Variants in PLXNA2 observed in about 807,000 individuals in gnomAD.
PLXNA2 encodes plexin A2.
PLXNA2 carries 91 observed loss-of-function variants against 193.5 expected under a neutral mutation model. That is an observed-to-expected ratio of 0.47 (90% CI 0.40 to 0.56). PLXNA2 has a LOEUF of 0.56. PLXNA2 is among the 20% of genes least tolerant of loss of function. PLXNA2 has a pLI of 0.00. For missense variants in PLXNA2, 1,995 were observed against 2,503.2 expected (o/e 0.80, Z 4.33); for synonymous variants, 997 against 1,027.3 (o/e 0.97, Z 0.56).
rs1364497622 is a variant in PLXNA2, at chr1:208,028,949, C to T, written c.5319G>A (p.Val1773=). The T allele has an allele frequency of 6.2e-7, 1 of 1,614,108 alleles. No homozygotes were observed. The highest frequency in any genetic ancestry group is 1.7e-5 in the Admixed American group (1 of 60,016). The change falls in exon 30 of 32, where the codon GTG becomes GTA. Residue 1773 remains valine, a synonymous_variant. Transcript: ENST00000367033. This position sits in a 1 kb window ranked among gnomAD's most constrained non-coding sequence, Gnocchi z 4.2. ...KGSITDACLS[V]VAQTFMDSCS... ...AAGAGTCCATGAAGGTCTGGGCCAC[C>T]ACAGAGAGGCAGGCGTCCGTGATGC...
intron 13 of PLXNA2, among the ~76,000 whole-genome samples, chr1:208,055,315 A>AT (rs1346524664): frequency 6.6e-6 from 1 of 152,166 alleles, no homozygotes; most frequent in East Asian, 1.9e-4. Flanking sequence ...ACCCCTAGTG[A>AT]TGACTTCCCT....
At chr1:208,071,873 T>C (rs1335971071) in intron 12 of PLXNA2, among the ~76,000 whole-genome samples, 7 of 152,250 alleles carry the variant, frequency 4.6e-5, no homozygotes, top group Non-Finnish European at 8.8e-5. Context: ...ACTCTGGTCC[T>C]GGGCAGGTGG....
intron 3 of PLXNA2, among the ~76,000 whole-genome samples, chr1:208,181,364 G>A (rs530399261): frequency 6.6e-6 from 1 of 152,336 alleles, no homozygotes; most frequent in East Asian, 1.9e-4. Context: ...ACCCTGAGGG[G>A]TGCAGCCTAG....
intron 12 of PLXNA2, among the ~76,000 whole-genome samples, chr1:208,073,840 T>C (rs970680601): frequency 1.3e-5 from 2 of 150,712 alleles, no homozygotes; most frequent in South Asian, 2.1e-4. Flanking sequence ...AGAGGTCAGG[T>C]TGATGCTTCT....
At chr1:208,081,789 G>A (rs763477067) in intron 11 of PLXNA2, among the ~76,000 whole-genome samples, 3 of 152,134 alleles carry the variant, frequency 2.0e-5, no homozygotes, top group Non-Finnish European at 4.4e-5. Context: ...TATCATTCTC[G>A]AGAGCAGGGT....
intron 2 of PLXNA2, among the ~76,000 whole-genome samples, chr1:208,213,755 T>G (rs941475677): frequency 6.6e-6 from 1 of 152,200 alleles, no homozygotes; most frequent in Non-Finnish European, 1.5e-5. Flanking sequence ...CTTTGGAGTA[T>G]CAGGGTCTTT....
intron 22 of PLXNA2, 137 bp from the exon 23 acceptor site, chr1:208,040,195 C>T: frequency 1.5e-6 from 1 of 676,408 alleles, no homozygotes; most frequent in Non-Finnish European, 2.6e-6. Flanking sequence ...CACCTGGGTC[C>T]CAGCCCAGCT....
chr1:208,196,662 G>A (rs1572021321), intron 3 of PLXNA2, among the ~76,000 whole-genome samples: 1 of 152,216 alleles, frequency 6.6e-6, no homozygotes, highest in African/African-American at 2.4e-5. Context: ...AAGAGAAACA[G>A]TAGAAACCAT....
intron 3 of PLXNA2, among the ~76,000 whole-genome samples, chr1:208,182,715 A>T (rs1178703128): frequency 1.3e-5 from 2 of 151,878 alleles, no homozygotes; most frequent in African/African-American, 2.4e-5. Flanking sequence ...GAGCAAGAAA[A>T]GGGGTTTGAA....
At chr1:208,155,133 G>A (rs924782339) in intron 3 of PLXNA2, among the ~76,000 whole-genome samples, 10 of 152,122 alleles carry the variant, frequency 6.6e-5, no homozygotes, top group Non-Finnish European at 1.3e-4. Flanking sequence ...TGCATGGAGC[G>A]CGAACCCCTT....
At chr1:208,183,629 G>A (rs922418089) in intron 3 of PLXNA2, among the ~76,000 whole-genome samples, 5 of 150,992 alleles carry the variant, frequency 3.3e-5, no homozygotes, top group Admixed American at 6.6e-5. Context: ...TTGGGGGTGG[G>A]GGACGGTGCT....
chr1:208,159,762 A>G (rs1364296992), intron 3 of PLXNA2, among the ~76,000 whole-genome samples: 2 of 152,190 alleles, frequency 1.3e-5, no homozygotes, highest in Non-Finnish European at 2.9e-5. Context: ...TACTACTCAA[A>G]GCCGTAAGAT....
At chr1:208,142,597 C>T (rs1668490578) in intron 3 of PLXNA2, 134 bp from the exon 4 acceptor site, 1 of 837,800 alleles carries the variant, frequency 1.2e-6, no homozygotes, top group Admixed American at 2.8e-5. Context: ...ACTGAAGTGC[C>T]ACTTCTTTTA....
intron 4 of PLXNA2, among the ~76,000 whole-genome samples, chr1:208,135,644 G>T (rs1668278742): frequency 1.3e-5 from 2 of 152,152 alleles, no homozygotes; most frequent in Admixed American, 6.5e-5. Context: ...GTCCAGCTTT[G>T]ATGACTCCAG....
rs977171358 is a variant in PLXNA2 at position 208,022,386 on chromosome 1, C to T, written c.*4857G>A. The T allele has an allele frequency of 1.3e-5, 2 of 152,252 alleles. No homozygotes were observed. Among genetic ancestry groups the T allele is most frequent in the African/African-American group, 2.4e-5 (1 of 41,272 alleles). 9.4% of individuals were successfully genotyped at this position (152,252 alleles called of 1,614,324 possible). On this transcript the variant is annotated 3_prime_UTR_variant, in exon 32 of 32. Coordinates refer to ENST00000367033, the MANE Select transcript of PLXNA2 (RefSeq NM_025179.4). ...TAATATATTAGAATAACAAAAAACCCCACTTTATTGGAACATTTTAAATAC... is the reference window on the plus strand; with the variant it reads ...TAATATATTAGAATAACAAAAAACCTCACTTTATTGGAACATTTTAAATAC...
chr1:208,028,136 A>C lies in PLXNA2; in HGVS notation c.5462T>G (p.Leu1821Arg). The C allele has an allele frequency of 3.1e-6, 5 of 1,612,818 alleles. No homozygotes were observed. Among genetic ancestry groups the C allele is most frequent in the Non-Finnish European group, 4.2e-6 (5 of 1,179,360 alleles). Residue 1821 changes from leucine (L) to arginine (R), a missense_variant, in exon 31 of 32, where the codon CTC becomes CGC. Around this residue, in one of 3 missense-constraint regions of PLXNA2, gnomAD observed 1,291 missense variants for 1,673.6 expected, o/e 0.77. Transcript: ENST00000367033. The surrounding 1 kb of genome is among the most constrained non-coding windows in gnomAD (Gnocchi z 4.2). ...VERYYADIAKLPAISDQDMNA... is the reference protein window; with the variant it reads ...VERYYADIAKRPAISDQDMNA... ...CATGTCCTGGTCACTGATGGCTGGG[A>C]GCTTGGCGATGTCTGCGTAGTATCT...
At chr1:208,194,310 A>G (rs916894856) in intron 3 of PLXNA2, among the ~76,000 whole-genome samples, 4 of 152,064 alleles carry the variant, frequency 2.6e-5, no homozygotes, top group African/African-American at 9.7e-5. Flanking sequence ...ATGAAAATGA[A>G]CAATCACTAC....
chr1:208,143,340 C>A (rs1056780391), intron 3 of PLXNA2, among the ~76,000 whole-genome samples: 1 of 152,182 alleles, frequency 6.6e-6, no homozygotes, highest in Non-Finnish European at 1.5e-5. Context: ...GAATGCACTG[C>A]GAGGCCCACC....
chr1:208,071,469 G>A (rs1216998106), intron 12 of PLXNA2, among the ~76,000 whole-genome samples: 2 of 152,204 alleles, frequency 1.3e-5, no homozygotes, highest in African/African-American at 4.8e-5. Context: ...CCTGGATGCT[G>A]GGTCTGAGAA....
Sources: gnomAD v4.1 joint callset for allele counts (sites outside exome capture counted in the v4.1 genomes callset) on GRCh38, gnomAD v4.1.1 for gene constraint, gnomAD v4.1.1 regional missense constraint, Gnocchi (gnomAD v3.1) non-coding constraint, MANE v1.5 for transcripts, NCBI Gene and HGNC (gene_info 2026-07-23, HGNC 2026-07-21) for gene names.